Variants in PRKCB observed in about 807,000 individuals in gnomAD.
The protein encoded by PRKCB is protein kinase C beta.
A neutral mutation model predicts 81.5 loss-of-function variants in PRKCB; 13 were observed. That is an observed-to-expected ratio of 0.16 (90% confidence interval 0.10 to 0.25). The LOEUF is 0.25. PRKCB is among the 10% of genes least tolerant of loss of function. The pLI, the probability that PRKCB is intolerant of heterozygous loss-of-function variation, is 1.00. For missense variants in PRKCB, 509 were observed against 875.7 expected (o/e 0.58, Z 5.29); for synonymous variants, 335 against 321.4 (o/e 1.04, Z -0.45).
intron 7 of PRKCB, among the ~76,000 whole-genome samples, chr16:24,102,218 C>A (rs1596548138): frequency 6.6e-6 from 1 of 152,170 alleles, no homozygotes; most frequent in African/African-American, 2.4e-5. Context: ...GATTACAACA[C>A]CCCCTGTCCT....
chr16:24,023,513 C>T (rs1388223119), intron 3 of PRKCB, among the ~76,000 whole-genome samples: 13 of 152,114 alleles, frequency 8.5e-5, no homozygotes, highest in Admixed American at 5.9e-4. Context: ...GGACTACAGG[C>T]GCCCGCCACC....
intron 2 of PRKCB, among the ~76,000 whole-genome samples, chr16:23,958,283 C>T (rs145756902): frequency 2.1e-3 from 326 of 152,134 alleles, no homozygotes; most frequent in African/African-American, 7.4e-3. Context: ...TGAGCCACTG[C>T]GCCTGGCCTA....
chr16:23,959,152 C>G (rs1164415287), intron 2 of PRKCB, among the ~76,000 whole-genome samples: 1 of 152,174 alleles, frequency 6.6e-6, no homozygotes, highest in Non-Finnish European at 1.5e-5. Context: ...AATAAACAAT[C>G]TCACTTAGAT....
At chr16:24,049,674 G>A (rs931453988) in intron 5 of PRKCB, among the ~76,000 whole-genome samples, 7 of 152,086 alleles carry the variant, frequency 4.6e-5, no homozygotes, top group Non-Finnish European at 1.0e-4. Context: ...AGAAAGAGAG[G>A]GATAAAACCA....
chr16:24,172,205 C>T, intron 10 of PRKCB, 65 bp from the exon 11 acceptor site: 8 of 1,172,280 alleles, frequency 6.8e-6, no homozygotes, highest in East Asian at 4.8e-5. Flanking sequence ...GCTCTTCCCC[C>T]ACTGTCCATT....
chr16:24,130,106 C>T (rs916842535), intron 9 of PRKCB, among the ~76,000 whole-genome samples: 1 of 152,138 alleles, frequency 6.6e-6, no homozygotes, highest in African/African-American at 2.4e-5. Context: ...ACTTTACATT[C>T]AGCATGTATA....
chr16:24,062,854 C>G (rs1965990063), intron 5 of PRKCB, among the ~76,000 whole-genome samples: 1 of 152,012 alleles, frequency 6.6e-6, no homozygotes, highest in African/African-American at 2.4e-5. Flanking sequence ...CCTCACCTCC[C>G]CCATCCACTC....
intron 4 of PRKCB, among the ~76,000 whole-genome samples, chr16:24,034,873 C>T (rs1965593986): frequency 6.6e-6 from 1 of 152,184 alleles, no homozygotes; most frequent in African/African-American, 2.4e-5. Flanking sequence ...ACGAACTTCT[C>T]CCCACAAGAG....
In PRKCB at chr16:24,018,124, C is replaced by A. The variant is rs144524678; in HGVS notation, c.289-14012C>A. 7.8e-3 allele frequency among the ~76,000 whole-genome samples: 1,193 copies of A among 152,254 alleles called. 10 individuals carry two copies. The highest frequency in any genetic ancestry group is 0.016 in the South Asian group (78 of 4,816). ...CCATGTTGGCCAGGATGGTCTCGAT[C>A]TCCTGACCTCGTGATCCGCCCACCT... On this transcript the variant is annotated intron_variant, in intron 3 of 16. Transcript: ENST00000643927.
intron 2 of PRKCB, among the ~76,000 whole-genome samples, chr16:23,895,737 C>T (rs1567305605): frequency 6.6e-6 from 1 of 152,224 alleles, no homozygotes; most frequent in East Asian, 1.9e-4. Flanking sequence ...GCCAGTGTTG[C>T]TTATTTTTAA....
chr16:23,956,666 C>T (rs1003739699), intron 2 of PRKCB, among the ~76,000 whole-genome samples: 1 of 152,104 alleles, frequency 6.6e-6, no homozygotes, highest in Non-Finnish European at 1.5e-5. Flanking sequence ...CCACCAACAG[C>T]GCACGAAAGT....
intron 3 of PRKCB, among the ~76,000 whole-genome samples, chr16:24,021,895 G>A (rs9926282): frequency 0.098 from 14,868 of 152,164 alleles, 949 homozygotes; most frequent in African/African-American, 0.17. Flanking sequence ...TAAAATTGGT[G>A]GCAGTAAAAG....
chr16:24,099,984 A>G (rs1252251816), intron 7 of PRKCB: 4 of 152,320 alleles, frequency 2.6e-5, no homozygotes, highest in Non-Finnish European at 5.9e-5. Context: ...AAAAAAAAAA[A>G]AAAAAAGAGT....
intron 10 of PRKCB, among the ~76,000 whole-genome samples, chr16:24,156,167 G>A (rs907994519): frequency 3.3e-5 from 5 of 152,148 alleles, no homozygotes; most frequent in African/African-American, 9.7e-5. Flanking sequence ...TAGTTCCCTA[G>A]TGGTATAGTT....
chr16:23,847,568 C>CCAT (rs1190150820), intron 2 of PRKCB, among the ~76,000 whole-genome samples: 1 of 149,250 alleles, frequency 6.7e-6, no homozygotes, highest in African/African-American at 2.5e-5. Context: ...ATCCATCCAT[C>CCAT]CATCCATCCG....
At chr16:24,090,083 A>G (rs1966359575) in intron 5 of PRKCB, among the ~76,000 whole-genome samples, 1 of 152,184 alleles carries the variant, frequency 6.6e-6, no homozygotes, top group Admixed American at 6.5e-5. Context: ...GGACAAGATT[A>G]ACATTTTATT....
intron 12 of PRKCB, among the ~76,000 whole-genome samples, chr16:24,176,414 A>G (rs1016321577): frequency 6.6e-6 from 1 of 152,164 alleles, no homozygotes; most frequent in African/African-American, 2.4e-5. Context: ...CCATGTCTCT[A>G]AAAAAAGAAG....
chr16:23,936,579 A>ATTT (rs57643578), intron 2 of PRKCB, among the ~76,000 whole-genome samples: 25 of 96,024 alleles, frequency 2.6e-4, no homozygotes, highest in South Asian at 1.2e-3. Context: ...CACCCAACTA[A>ATTT]TTTTTTTTTT....
chr16:23,839,279 C>CTTTTTT (rs10657212), intron 2 of PRKCB, among the ~76,000 whole-genome samples: 21,483 of 136,904 alleles, frequency 0.16, 2,176 homozygotes, highest in Admixed American at 0.24. Flanking sequence ...ATAGGAGTGT[C>CTTTTTT]TTTTTTTTTT....
Sources: allele counts gnomAD v4.1 joint callset (sites outside exome capture counted in the v4.1 genomes callset), GRCh38; gene constraint gnomAD v4.1.1; transcripts MANE v1.5; gene names NCBI Gene and HGNC (gene_info 2026-07-23, HGNC 2026-07-21).